NUDC: variants seen among roughly 807,000 people sequenced by gnomAD.
NUDC encodes the protein nuclear migration protein nudC.
In NUDC, 14 loss-of-function variants were observed where a neutral mutation model predicts 45.0. The ratio of observed to expected loss-of-function variants is 0.31; its 90% CI spans 0.21 to 0.49. The LOEUF (loss-of-function observed/expected upper bound fraction) is 0.49. NUDC is among the 20% of genes least tolerant of loss of function. The pLI, the probability that NUDC is intolerant of heterozygous loss-of-function variation, is 0.99. For synonymous variants in NUDC, 153 were observed against 156.7 expected (o/e 0.98, Z 0.17); for missense variants, 323 against 426.2 (o/e 0.76, Z 2.13).
intron 2 of NUDC, among the ~76,000 whole-genome samples, chr1:26,935,398 C>T (rs1027147579): frequency 6.6e-6 from 1 of 152,134 alleles, no homozygotes; most frequent in African/African-American, 2.4e-5. Flanking sequence ...TTAATTGACT[C>T]ATAGTTCTGC....
intron 1 of NUDC, 60 bp from the exon 2 acceptor site, chr1:26,924,029 G>A: frequency 2.7e-6 from 4 of 1,462,592 alleles, no homozygotes; most frequent in East Asian, 2.3e-5. Context: ...GTTGACTTGT[G>A]TGCAGTTGAA....
intron 3 of NUDC, chr1:26,913,421 G>A: frequency 1.2e-6 from 2 of 1,614,086 alleles, no homozygotes; most frequent in Non-Finnish European, 1.7e-6. Context: ...GGGTTGAAGA[G>A]GATGGTCCCT....
chr1:26,942,815 G>A, intron 5 of NUDC, 39 bp downstream of exon 5: 1 of 1,614,142 alleles, frequency 6.2e-7, no homozygotes, highest in Non-Finnish European at 8.5e-7. Flanking sequence ...TAGGGGGCCA[G>A]CCTGGGGTAC....
intron 3 of NUDC, among the ~76,000 whole-genome samples, chr1:26,914,882 A>C (rs2082052831): frequency 6.6e-6 from 1 of 151,710 alleles, no homozygotes; most frequent in Non-Finnish European, 1.5e-5. Flanking sequence ...CAAAAGAATC[A>C]CTCGAAACTG....
In NUDC at chr1:26,913,316, T is replaced by A. The variant is rs1442737929; in HGVS notation, c.93+2081T>A. 5.4e-6 allele frequency: 6 copies of A among 1,114,518 alleles called. No individual in the cohort carries two copies. The East Asian group carries it at 1.4e-4, about 26-fold the overall frequency. The allele number at this position is 1,114,518 out of a possible 1,614,324, so 69.0% of individuals were successfully genotyped here. On this transcript the variant is annotated intron_variant, in intron 3 of 6. Coordinates refer to the NUDC transcript ENST00000435827. ...AAATAAAAAGAAAATGAGGACCCAA[T>A]GAGATAACAGATATCAAACCCTTAG...
At position 26,945,250 on chromosome 1, in the gene NUDC, A is replaced by G. The variant is rs1025347630; in HGVS notation, c.742-140A>G. 3 of 720,850 alleles carry G rather than the reference A, an allele frequency of 4.2e-6. No individual in the cohort carries two copies. The South Asian group carries it at 4.5e-5, about 11-fold the overall frequency. 44.7% of individuals were successfully genotyped at this position (720,850 alleles called of 1,614,324 possible). A position where few individuals can be genotyped will look rare whatever the true frequency, so the allele number is the denominator to read the frequency against. On this transcript the variant is annotated intron_variant, in intron 6 of 8. Transcript: ENST00000321265. ...AGCTGCAGGAAGGGCACAGTCTTGT[A>G]CCTCTGGATCCAGTGTAGGCCTGCA...
intron 2 of NUDC, among the ~76,000 whole-genome samples, chr1:26,928,074 G>T (rs2082148986): frequency 6.6e-6 from 1 of 152,142 alleles, no homozygotes; most frequent in South Asian, 2.1e-4. Flanking sequence ...CTTGAATACA[G>T]CCATAGTGAT....
intron 1 of NUDC, among the ~76,000 whole-genome samples, chr1:26,922,943 T>C (rs1570722910): frequency 1.3e-5 from 2 of 152,360 alleles, no homozygotes. Flanking sequence ...GAGTTCATTT[T>C]TGAGCAAATT....
intron 1 of NUDC, among the ~76,000 whole-genome samples, chr1:26,900,765 A>G (rs562443878): frequency 1.3e-5 from 2 of 152,350 alleles, no homozygotes; most frequent in East Asian, 1.9e-4. Context: ...AACCTTCCTC[A>G]GTTCTGAACC....
At chr1:26,927,866 C>T (rs1240635647) in intron 2 of NUDC, among the ~76,000 whole-genome samples, 1 of 152,088 alleles carries the variant, frequency 6.6e-6, no homozygotes, top group Non-Finnish European at 1.5e-5. Flanking sequence ...ATATAATGTG[C>T]ATTACATACA....
intron 8 of NUDC, 81 bp downstream of exon 8, chr1:26,945,767 G>A (rs2082313054): frequency 1.0e-6 from 1 of 1,001,834 alleles, no homozygotes; most frequent in African/African-American, 1.6e-5. Context: ...GTGGATCACT[G>A]CGCTGCCTCA....
chr1:26,920,773 A>AAAC (rs1469759084), upstream of NUDC, among the ~76,000 whole-genome samples: 1 of 143,402 alleles, frequency 7.0e-6, no homozygotes, highest in Non-Finnish European at 1.5e-5. Flanking sequence ...AAAAAACAAA[A>AAAC]AACAAAAAAA....
At chr1:26,935,698 A>G (rs562872089) in intron 2 of NUDC, among the ~76,000 whole-genome samples, 1 of 152,140 alleles carries the variant, frequency 6.6e-6, no homozygotes, top group East Asian at 1.9e-4. Flanking sequence ...GATATCATAT[A>G]TCATCTAGTC....
chr1:26,946,118 C>A lies in NUDC; in HGVS notation c.945-12C>A. 1 of 1,613,520 alleles carries A rather than the reference C, an allele frequency of 6.2e-7. No individual in the cohort carries two copies. Among genetic ancestry groups the A allele is most frequent in the Non-Finnish European group, 8.5e-7 (1 of 1,179,454 alleles). ...AAGGATGAGCTGTTTCATCTTGCTT[C>A]CGTTTCTCCAGGTTCATGGATCAAC... On this transcript the variant is annotated splice_polypyrimidine_tract_variant and intron_variant, in intron 8 of 8. Transcript: ENST00000321265.
chr1:26,930,385 G>A (rs1375668546), intron 2 of NUDC, among the ~76,000 whole-genome samples: 2 of 152,146 alleles, frequency 1.3e-5, no homozygotes, highest in African/African-American at 4.8e-5. Flanking sequence ...GCCCAAGCAG[G>A]TCTTGAATTT....
rs748167489 is a variant in NUDC at position 26,924,173 on chromosome 1, G to A, written c.159+7G>A. ...AGAAGGGATGGCAGAGAAGGTAAGT[G>A]TTGGAAACCACTGTCCTTTGGGCGG... On this transcript the variant is annotated splice_region_variant and intron_variant, in intron 2 of 8. Coordinates refer to ENST00000321265, the MANE Select transcript of NUDC (RefSeq NM_006600.4). 119 of 1,613,480 alleles carry A rather than the reference G, an allele frequency of 7.4e-5. 1 individual carries two copies. The South Asian group carries it at 1.2e-3, about 17-fold the overall frequency.
At chr1:26,939,245 C>T (rs1464817554) in intron 2 of NUDC, among the ~76,000 whole-genome samples, 1 of 152,156 alleles carries the variant, frequency 6.6e-6, no homozygotes, top group Non-Finnish European at 1.5e-5. Flanking sequence ...CTGCCCGCCT[C>T]AGCCTCAAGT....
chr1:26,946,279 G>A lies in NUDC; in HGVS notation c.*98G>A. On this transcript the variant is annotated 3_prime_UTR_variant, in exon 9 of 9. Coordinates refer to ENST00000321265, the MANE Select transcript of NUDC (RefSeq NM_006600.4). ...GGACTTGTGGGCCTCAGGGCTTGGG[G>A]CAGGCATGGGACTGGCCCAGGCACA... 1 of 1,086,114 alleles carries A rather than the reference G, an allele frequency of 9.2e-7. No individual in the cohort carries two copies. The highest frequency in any genetic ancestry group is 1.4e-6 in the Non-Finnish European group (1 of 702,758). The allele number at this position is 1,086,114 out of a possible 1,614,324, so 67.3% of individuals were successfully genotyped here. A position where few individuals can be genotyped will look rare whatever the true frequency, so the allele number is the denominator to read the frequency against.
intron 3 of NUDC, among the ~76,000 whole-genome samples, chr1:26,915,693 G>A (rs2082058498): frequency 6.6e-6 from 1 of 152,174 alleles, no homozygotes; most frequent in Non-Finnish European, 1.5e-5. Context: ...TGGCTGTAGG[G>A]CTGCCATGGG....
Sources: allele counts gnomAD v4.1 joint callset (sites outside exome capture counted in the v4.1 genomes callset), GRCh38; gene constraint gnomAD v4.1.1; transcripts MANE v1.5; gene names NCBI Gene and HGNC (gene_info 2026-07-23, HGNC 2026-07-21).